SORD: variants seen among roughly 807,000 people sequenced by gnomAD.
SORD encodes the protein (R,R)-butanediol dehydrogenase.
A neutral mutation model predicts 35.6 loss-of-function variants in SORD; 18 were observed. The observed-to-expected ratio is 0.51, with a 90% CI of 0.35 to 0.75. The LOEUF is 0.75. Ranked by LOEUF, SORD falls within the 30% of genes least tolerant of loss-of-function variation. SORD has a pLI of 0.01. For missense variants in SORD, 250 were observed against 390.2 expected (o/e 0.64, Z 3.03); for synonymous variants, 106 against 152.9 (o/e 0.69, Z 2.26).
chr15:45,060,351 A>C (rs984618789), intron 3 of SORD, among the ~76,000 whole-genome samples: 1 of 152,176 alleles, frequency 6.6e-6, no homozygotes, highest in African/African-American at 2.4e-5. Context: ...CTTCATAATA[A>C]AAAGATAGAA....
At chr15:45,055,579 C>G (rs543280715) in intron 3 of SORD, among the ~76,000 whole-genome samples, 2 of 152,170 alleles carry the variant, frequency 1.3e-5, no homozygotes, top group African/African-American at 4.8e-5. Flanking sequence ...GAACTGGTAC[C>G]ATTCCTTCTG....
intron 2 of SORD, 92 bp downstream of exon 2, chr15:45,040,533 A>G: frequency 3.1e-6 from 3 of 979,906 alleles, no homozygotes; most frequent in Non-Finnish European, 4.9e-6. Context: ...TCTCTTTTCC[A>G]ACTGTTTATT....
chr15:45,033,096 A>C (rs1426751857), intron 1 of SORD, among the ~76,000 whole-genome samples: 1 of 151,598 alleles, frequency 6.6e-6, no homozygotes, highest in African/African-American at 2.4e-5. Flanking sequence ...AGTCAAGCCT[A>C]AAAACTGCTA....
At chr15:45,072,555 C>T (rs1314811365) in intron 8 of SORD, 117 bp downstream of exon 8, 9 of 481,044 alleles carry the variant, frequency 1.9e-5, no homozygotes, top group Non-Finnish European at 3.1e-5. Context: ...CACTCCCTGG[C>T]CACACTGATA....
At position 45,053,879 on chromosome 15, in the gene SORD, G is replaced by C. The variant is rs549344828; in HGVS notation, c.266-7188G>C. Among the ~76,000 whole-genome samples the C allele has an allele frequency of 3.6e-5, 5 of 137,300 alleles. No individual in the cohort carries two copies. The East Asian group carries it at 6.2e-4, about 17-fold the overall frequency. The allele number at this position is 137,300 out of a possible 152,430, so 90.1% of individuals were successfully genotyped here. On this transcript the variant is annotated intron_variant, in intron 3 of 8. Coordinates refer to ENST00000267814, the MANE Select transcript of SORD (RefSeq NM_003104.6). ...CTCATTGTTCAATTCCCATCTATGA[G>C]TGAGAACATGCGGTGTTTGGTTTTT...
chr15:45,069,646 C>T (rs1309123376), intron 7 of SORD, among the ~76,000 whole-genome samples: 1 of 152,072 alleles, frequency 6.6e-6, no homozygotes, highest in Non-Finnish European at 1.5e-5. Context: ...GCTTCATGAT[C>T]ATATTTGTTA....
At chr15:45,062,380 A>G (rs1893331581) in intron 4 of SORD, among the ~76,000 whole-genome samples, 2 of 152,226 alleles carry the variant, frequency 1.3e-5, no homozygotes, top group Non-Finnish European at 2.9e-5. Flanking sequence ...GTGGCCCCCC[A>G]TGGCCCCAGC....
intron 3 of SORD, among the ~76,000 whole-genome samples, chr15:45,048,270 GT>G (rs1325769665): frequency 1.3e-5 from 2 of 152,126 alleles, no homozygotes; most frequent in African/African-American, 4.8e-5. Context: ...CCCATGGTTT[GT>G]TTTCCCCCAA....
At chr15:45,046,377 G>A (rs1456176736) in intron 3 of SORD, among the ~76,000 whole-genome samples, 1 of 152,102 alleles carries the variant, frequency 6.6e-6, no homozygotes, top group African/African-American at 2.4e-5. Flanking sequence ...TGAGTAGCTG[G>A]GATTACAGGC....
intron 1 of SORD, among the ~76,000 whole-genome samples, chr15:45,037,668 G>A (rs1357363879): frequency 6.6e-6 from 1 of 152,134 alleles, no homozygotes; most frequent in East Asian, 1.9e-4. Flanking sequence ...GGATGAAGCT[G>A]GAAGCCATCC....
intron 3 of SORD, among the ~76,000 whole-genome samples, chr15:45,051,602 A>G (rs984938497): frequency 2.6e-5 from 4 of 152,198 alleles, no homozygotes; most frequent in Non-Finnish European, 5.9e-5. Context: ...AAAAACCTTC[A>G]CTCATTAAGA....
intron 3 of SORD, among the ~76,000 whole-genome samples, chr15:45,055,415 A>G (rs1893198997): frequency 6.6e-6 from 1 of 152,182 alleles, no homozygotes; most frequent in Non-Finnish European, 1.5e-5. Context: ...TCCTCGACAC[A>G]TACACTCTCC....
Position 45,073,449 on chromosome 15 carries a change from T to G in SORD, c.993T>G (p.Ala331=). 2 of 1,574,688 alleles carry G rather than the reference T, an allele frequency of 1.3e-6. No homozygotes were observed. The highest frequency in any genetic ancestry group is 2.3e-5 in the South Asian group (2 of 87,618). Reference sequence around the variant, plus strand: ...CCCATAGGTTTCCTCTGGAGAAAGCTCTGGAGGCCTTTGAAACATTTAAAA... The same window carrying G: ...CCCATAGGTTTCCTCTGGAGAAAGCGCTGGAGGCCTTTGAAACATTTAAAA... ...LVTHRFPLEK[A]LEAFETFKKG... Residue 331 remains alanine (A), a synonymous_variant, in exon 9 of 9, where the codon GCT becomes GCG. Transcript: ENST00000267814.
chr15:45,069,306 A>G (rs1404764365), intron 7 of SORD, among the ~76,000 whole-genome samples: 4 of 137,464 alleles, frequency 2.9e-5, no homozygotes, highest in South Asian at 2.2e-4. Context: ...TCCTGGGTTC[A>G]CGCCATTTTC....
At chr15:45,026,688 T>C (rs1207131002) in intron 1 of SORD, among the ~76,000 whole-genome samples, 1 of 113,030 alleles carries the variant, frequency 8.8e-6, no homozygotes, top group Non-Finnish European at 1.6e-5. Context: ...AAGTGTATCA[T>C]TTAACTTACA....
intron 1 of SORD, among the ~76,000 whole-genome samples, chr15:45,025,621 T>A (rs1298775299): frequency 1.5e-5 from 2 of 131,534 alleles, no homozygotes; most frequent in Non-Finnish European, 1.6e-5. Flanking sequence ...AGCAAAACTA[T>A]GTCAAAAAAA....
At chr15:45,023,945 T>C (rs192993366) in intron 1 of SORD, among the ~76,000 whole-genome samples, 81 of 152,282 alleles carry the variant, frequency 5.3e-4, no homozygotes, top group African/African-American at 1.9e-3. Flanking sequence ...GTGCCAGACT[T>C]GTGGATCTTG....
At chr15:45,030,100 G>A (rs1231448748) in intron 1 of SORD, among the ~76,000 whole-genome samples, 1 of 152,252 alleles carries the variant, frequency 6.6e-6, no homozygotes, top group African/African-American at 2.4e-5. Context: ...TCTTGATCCA[G>A]TCCCAGGATT....
At chr15:45,036,322 T>G in intron 1 of SORD, 1 of 456,018 alleles carries the variant, frequency 2.2e-6, no homozygotes, top group South Asian at 1.5e-5. Flanking sequence ...AGTGAAATAT[T>G]CTGGAAAACT....
Sources: allele counts gnomAD v4.1 joint callset (sites outside exome capture counted in the v4.1 genomes callset), GRCh38; gene constraint gnomAD v4.1.1; transcripts MANE v1.5; gene names NCBI Gene and HGNC (gene_info 2026-07-23, HGNC 2026-07-21).